ARMH3: variants seen among roughly 807,000 people sequenced by gnomAD.
ARMH3 encodes armadillo like helical domain containing 3.
A neutral mutation model predicts 99.1 loss-of-function variants in ARMH3; 60 were observed. The ratio of observed to expected loss-of-function variants is 0.61; its 90% CI spans 0.49 to 0.75. The LOEUF (loss-of-function observed/expected upper bound fraction) is 0.75. ARMH3 is among the 30% of genes least tolerant of loss of function. The pLI, the probability that ARMH3 is intolerant of heterozygous loss-of-function variation, is 0.00. For missense variants in ARMH3, 679 were observed against 843.1 expected, an observed-to-expected ratio of 0.81 and a Z score of 2.41; for synonymous variants, 285 against 292.8, an observed-to-expected ratio of 0.97 and a Z score of 0.27.
Position 101,987,847 on chromosome 10 carries a change from GC to G in ARMH3, c.1406+2703del, listed in dbSNP as rs1431685975. 2.0e-5 allele frequency among the ~76,000 whole-genome samples: 3 copies of G among 152,112 alleles called. No individual in the cohort carries two copies. The East Asian group carries it at 5.8e-4, about 29-fold the overall frequency. On this transcript the variant is annotated intron_variant, in intron 19 of 25. Coordinates refer to ENST00000370033, the MANE Select transcript of ARMH3 (RefSeq NM_024541.3). ...CCCAGTAGAATCTCAGATACTTGCTGCCCCAACTAACCTGGTCATCATCTTA... is the reference window on the plus strand; with the variant it reads ...CCCAGTAGAATCTCAGATACTTGCTGCCCAACTAACCTGGTCATCATCTTA...
chr10:101,886,854 A>G (rs996777561), intron 24 of ARMH3, among the ~76,000 whole-genome samples: 2 of 152,180 alleles, frequency 1.3e-5, no homozygotes, highest in Non-Finnish European at 2.9e-5. Flanking sequence ...TAAATGTAAC[A>G]AATTCCATTT....
chr10:101,951,103 T>C (rs528452522), intron 22 of ARMH3, among the ~76,000 whole-genome samples: 73 of 152,334 alleles, frequency 4.8e-4, no homozygotes, highest in African/African-American at 1.4e-3. Context: ...ATAGAATATA[T>C]GCAAGATTTT....
At position 102,009,903 on chromosome 10, in the gene ARMH3, C is replaced by A. The variant is rs2066593368; in HGVS notation, c.878+74G>T. The A allele has an allele frequency of 2.9e-6, 4 of 1,378,180 alleles. No individual in the cohort carries two copies. In the East Asian group the frequency reaches 6.9e-5, roughly 24 times the overall value. 85.4% of individuals were successfully genotyped at this position (1,378,180 alleles called of 1,614,324 possible). On this transcript the variant is annotated intron_variant, in intron 12 of 25. Coordinates refer to ENST00000370033, the MANE Select transcript of ARMH3 (RefSeq NM_024541.3). The stretch of plus-strand genomic sequence containing the variant: ...TGTAAAAGATTAGCAAGAGGTAACA[C>A]TGCACACTCTCATATCCAGCAGGAC...
At chr10:101,869,298 A>G (rs1367680123) in intron 24 of ARMH3, among the ~76,000 whole-genome samples, 1 of 151,198 alleles carries the variant, frequency 6.6e-6, no homozygotes, top group African/African-American at 2.4e-5. Flanking sequence ...ACAACTCAAC[A>G]ACAAGGGAAC....
At chr10:101,919,497 C>T (rs1843220296) in intron 23 of ARMH3, among the ~76,000 whole-genome samples, 1 of 152,130 alleles carries the variant, frequency 6.6e-6, no homozygotes, top group Middle Eastern at 3.2e-3. Context: ...TCCCATCTCT[C>T]GCTGACTTTA....
chr10:101,849,995 C>T, intron 24 of ARMH3, 103 bp from the exon 25 acceptor site: 1 of 930,806 alleles, frequency 1.1e-6, no homozygotes, highest in Non-Finnish European at 1.7e-6. Flanking sequence ...TGTGACAACA[C>T]CCCCAAGAAA....
At chr10:101,973,582 C>T (rs1845866319) in intron 20 of ARMH3, among the ~76,000 whole-genome samples, 1 of 151,636 alleles carries the variant, frequency 6.6e-6, no homozygotes, top group African/African-American at 2.4e-5. Flanking sequence ...GGAGACAGAC[C>T]AGAACGAAGA....
intron 23 of ARMH3, among the ~76,000 whole-genome samples, chr10:101,927,657 C>T (rs1165002941): frequency 1.3e-5 from 2 of 152,158 alleles, no homozygotes; most frequent in Admixed American, 6.5e-5. Flanking sequence ...AGGATGAACA[C>T]TAAGTTTCAG....
chr10:101,850,476 G>A (rs1211293240), intron 24 of ARMH3, among the ~76,000 whole-genome samples: 1 of 150,832 alleles, frequency 6.6e-6, no homozygotes, highest in African/African-American at 2.4e-5. Flanking sequence ...CCAGGCTGGA[G>A]TGCAGTGGTG....
chr10:101,873,976 T>C (rs930278972), intron 24 of ARMH3, among the ~76,000 whole-genome samples: 1 of 152,196 alleles, frequency 6.6e-6, no homozygotes, highest in African/African-American at 2.4e-5. Flanking sequence ...TGGATATATA[T>C]TTTCATTTCT....
intron 24 of ARMH3, among the ~76,000 whole-genome samples, chr10:101,872,830 C>A (rs1459225702): frequency 6.6e-6 from 1 of 151,244 alleles, no homozygotes; most frequent in African/African-American, 2.4e-5. Context: ...GGGTGGTAGG[C>A]GCCTGTAATC....
chr10:101,891,512 C>T (rs543310887), intron 23 of ARMH3, among the ~76,000 whole-genome samples: 108 of 152,078 alleles, frequency 7.1e-4, no homozygotes, highest in Non-Finnish European at 1.2e-3. Context: ...TTTCTTAAGA[C>T]TCTAAAAGTC....
chr10:102,025,970 A>AT (rs1342713561), intron 5 of ARMH3, among the ~76,000 whole-genome samples: 2 of 152,206 alleles, frequency 1.3e-5, no homozygotes, highest in East Asian at 3.9e-4. Context: ...TAAAGAAAGC[A>AT]TAACACTTGA....
intron 24 of ARMH3, among the ~76,000 whole-genome samples, chr10:101,854,795 T>C (rs1261449308): frequency 6.6e-6 from 1 of 152,078 alleles, no homozygotes; most frequent in Non-Finnish European, 1.5e-5. Flanking sequence ...CAGTTTTCAG[T>C]ATCTATAAAA....
chr10:101,884,042 G>A (rs1035623911), intron 24 of ARMH3, among the ~76,000 whole-genome samples: 1 of 151,678 alleles, frequency 6.6e-6, no homozygotes, highest in Non-Finnish European at 1.5e-5. Context: ...GAAAATTAGG[G>A]TGCAGGCCAC....
At chr10:101,981,216 G>C (rs562247790) in intron 19 of ARMH3, among the ~76,000 whole-genome samples, 2 of 151,900 alleles carry the variant, frequency 1.3e-5, no homozygotes, top group African/African-American at 4.8e-5. Context: ...AAAAAAACAG[G>C]GGTAGCTAAT....
chr10:101,903,360 G>A (rs760240013), intron 23 of ARMH3, among the ~76,000 whole-genome samples: 28 of 152,168 alleles, frequency 1.8e-4, no homozygotes, highest in Non-Finnish European at 2.2e-4. Flanking sequence ...TGAAGGTTGT[G>A]AATAAAATAA....
chr10:101,910,093 T>C (rs1842803277), intron 23 of ARMH3, among the ~76,000 whole-genome samples: 1 of 152,206 alleles, frequency 6.6e-6, no homozygotes, highest in South Asian at 2.1e-4. Flanking sequence ...AGGAAATCAA[T>C]ACAGTGATGC....
At chr10:102,033,994 T>C (rs1386177253) in intron 2 of ARMH3, among the ~76,000 whole-genome samples, 1 of 152,182 alleles carries the variant, frequency 6.6e-6, no homozygotes, top group African/African-American at 2.4e-5. Flanking sequence ...TATTCACATA[T>C]GTGAAATACA....
Sources: gnomAD v4.1 joint callset for allele counts (sites outside exome capture counted in the v4.1 genomes callset) on GRCh38, gnomAD v4.1.1 for gene constraint, MANE v1.5 for transcripts, NCBI Gene and HGNC (gene_info 2026-07-23, HGNC 2026-07-21) for gene names.